Variants in GSTA3 observed in about 807,000 individuals in gnomAD.
The protein encoded by GSTA3 is glutathione S-transferase alpha 3, also known as glutathione S-transferase A3.
Under a neutral mutation model 23.1 loss-of-function variants are expected in GSTA3, and 16 were observed. That is an observed-to-expected ratio of 0.69 (90% CI 0.47 to 1.05). The LOEUF is 1.05. Among genes scored for constraint, GSTA3 ranks in the 50% least tolerant of loss-of-function variants. The probability of loss-of-function intolerance (pLI) is 0.00; values close to 1 mark genes in which losing one functional copy is unlikely to be tolerated. For missense variants in GSTA3, 319 were observed against 263.6 expected (o/e 1.21, Z -1.46); for synonymous variants, 122 against 91.0 (o/e 1.34, Z -1.94).
At chr6:52,901,535 A>G (rs1210127523) in intron 4 of GSTA3, among the ~76,000 whole-genome samples, 2 of 152,140 alleles carry the variant, frequency 1.3e-5, no homozygotes, top group Non-Finnish European at 2.9e-5. Context: ...GTTGATGGAT[A>G]TTTGGGTTAT....
At position 52,896,743 on chromosome 6, in the gene GSTA3, C is replaced by A; in HGVS notation, c.*63G>T. On this transcript the variant is annotated 3_prime_UTR_variant, in exon 7 of 7. Coordinates refer to ENST00000211122, the MANE Select transcript of GSTA3 (RefSeq NM_000847.5). ...GCACAATCAACACTTAAGTAAAGCA[C>A]TTCATTGTTGCAAAACTTTAGAATA... 1 of 1,596,110 alleles carries A rather than the reference C, an allele frequency of 6.3e-7. No individual in the cohort carries two copies. The highest frequency in any genetic ancestry group is 8.6e-7 in the Non-Finnish European group (1 of 1,167,074).
chr6:52,905,524 A>G (rs923004151), intron 2 of GSTA3, among the ~76,000 whole-genome samples: 7 of 151,968 alleles, frequency 4.6e-5, no homozygotes, highest in Non-Finnish European at 1.0e-4. Context: ...TCTTTTCAAA[A>G]TATATTTTAA....
At chr6:52,909,503 A>G (rs1006445159) in intron 1 of GSTA3, 138 bp downstream of exon 1, 4 of 152,212 alleles carry the variant, frequency 2.6e-5, no homozygotes, top group Non-Finnish European at 2.9e-5. Context: ...CTAACAAACA[A>G]TGCTTAAATT....
At chr6:52,906,724 A>G (rs1280558424) in intron 1 of GSTA3, among the ~76,000 whole-genome samples, 1 of 151,550 alleles carries the variant, frequency 6.6e-6, no homozygotes, top group East Asian at 1.9e-4. Flanking sequence ...AGGATTCCCT[A>G]TTTAATAAAT....
chr6:52,897,767 CTA>C (rs1403382689), intron 6 of GSTA3, 56 bp downstream of exon 6: 2 of 1,598,642 alleles, frequency 1.3e-6, no homozygotes, highest in Non-Finnish European at 1.7e-6. Context: ...GGCCCAGATA[CTA>C]GATCCCAAGA....
chr6:52,900,357 G>T (rs1176386071), intron 4 of GSTA3, among the ~76,000 whole-genome samples: 1 of 151,328 alleles, frequency 6.6e-6, no homozygotes, highest in Non-Finnish European at 1.5e-5. Flanking sequence ...TCGCCTCCAG[G>T]GTTCAAGTGA....
intron 6 of GSTA3, among the ~76,000 whole-genome samples, chr6:52,897,536 A>G (rs1765491862): frequency 6.6e-6 from 1 of 152,200 alleles, no homozygotes; most frequent in Non-Finnish European, 1.5e-5. Flanking sequence ...AGAACTCAGG[A>G]ACAGACCACA....
chr6:52,901,317 G>A (rs1408234482), intron 4 of GSTA3, among the ~76,000 whole-genome samples: 1 of 152,178 alleles, frequency 6.6e-6, no homozygotes, highest in Non-Finnish European at 1.5e-5. Flanking sequence ...GCAACCACTA[G>A]TCTACTTGCT....
intron 6 of GSTA3, among the ~76,000 whole-genome samples, 193 bp from the exon 7 acceptor site, chr6:52,897,121 C>T (rs1379761349): frequency 6.6e-6 from 1 of 152,190 alleles, no homozygotes; most frequent in East Asian, 1.9e-4. Context: ...TTATTTTCCG[C>T]AAAGATGTCT....
intron 4 of GSTA3, 93 bp from the exon 5 acceptor site, chr6:52,900,168 G>A: frequency 9.3e-7 from 1 of 1,076,584 alleles, no homozygotes; most frequent in Admixed American, 2.5e-5. Flanking sequence ...TCAGATGGTG[G>A]TAAGGTAATT....
At chr6:52,898,319 T>G (rs1211747774) in intron 5 of GSTA3, among the ~76,000 whole-genome samples, 2 of 152,112 alleles carry the variant, frequency 1.3e-5, no homozygotes, top group Non-Finnish European at 2.9e-5. Flanking sequence ...CTCTACAATC[T>G]GCTCTCTCCC....
In GSTA3 at chr6:52,901,471, A is replaced by G. The variant is rs185224544; in HGVS notation, c.272+875T>C. The stretch of plus-strand genomic sequence containing the variant: ...CATCAGTACTTCATTTCTTTTCATG[A>G]GTAAATATTGTTCCATTGCATGGCT... On this transcript the variant is annotated intron_variant, in intron 4 of 6. Transcript: ENST00000211122. Among the ~76,000 whole-genome samples, 238 of 152,318 alleles carry G rather than the reference A, an allele frequency of 1.6e-3. 4 individuals carry two copies. Among genetic ancestry groups the G allele is most frequent in the Middle Eastern group, 6.8e-3 (2 of 294 alleles).
intron 1 of GSTA3, among the ~76,000 whole-genome samples, chr6:52,908,355 TA>T (rs202165888): frequency 6.0e-4 from 90 of 149,222 alleles, no homozygotes; most frequent in African/African-American, 1.5e-3. Context: ...AGTCTCTATT[TA>T]AAAAAAAAAT....
intron 6 of GSTA3, 25 bp downstream of exon 6, chr6:52,897,800 C>G (rs375901746): frequency 6.2e-7 from 1 of 1,612,632 alleles, no homozygotes; most frequent in African/African-American, 1.3e-5. Context: ...GGGGCTGTCT[C>G]TCTGAGGGCT....
At chr6:52,898,093 A>G in intron 5 of GSTA3, 137 bp from the exon 6 acceptor site, 2 of 948,704 alleles carry the variant, frequency 2.1e-6, no homozygotes, top group Non-Finnish European at 1.7e-6. Flanking sequence ...GCCTTTGTTT[A>G]TGTTCCCTGA....
intron 3 of GSTA3, among the ~76,000 whole-genome samples, 194 bp downstream of exon 3, chr6:52,903,482 A>G (rs1765770588): frequency 6.6e-6 from 1 of 151,104 alleles, no homozygotes; most frequent in South Asian, 2.1e-4. Flanking sequence ...CTGTAGTCCC[A>G]GCTACTCGGG....
chr6:52,897,925 A>G lies in GSTA3; in HGVS notation c.446T>C (p.Val149Ala), dbSNP rs1765515926. The G allele has an allele frequency of 6.2e-7, 1 of 1,614,044 alleles. No homozygotes were observed. Among genetic ancestry groups the G allele is most frequent in the Non-Finnish European group, 8.5e-7 (1 of 1,179,940 alleles). Residue 149 changes from valine (V) to alanine (A), a missense_variant, in exon 6 of 7, where the codon GTT becomes GCT. Coordinates refer to ENST00000211122, the MANE Select transcript of GSTA3 (RefSeq NM_000847.5). ...VLQSHGQDYL[V>A]GNKLSRADIS... ...GTCAGCCCGGCTCAGCTTGTTGCCA[A>G]CAAGGTAGTCTTGTCCATGGCTCTG...
Position 52,904,748 on chromosome 6 carries a change from A to G in GSTA3, c.87+1000T>C, listed in dbSNP as rs548217481. On this transcript the variant is annotated intron_variant, in intron 2 of 6. Transcript: ENST00000211122. The stretch of plus-strand genomic sequence containing the variant: ...ACTGGGAAGTGTTTTTCTCAGTGAC[A>G]CCTCTAGAAGGCAGCACTTAGCGGA... Among the ~76,000 whole-genome samples the G allele has an allele frequency of 3.5e-4, 53 of 152,226 alleles. No individual in the cohort carries two copies. The South Asian group carries it at 8.9e-3, about 26-fold the overall frequency.
chr6:52,909,557 A>G (rs1205437931), intron 1 of GSTA3, 84 bp downstream of exon 1: 1 of 152,232 alleles, frequency 6.6e-6, no homozygotes, highest in Admixed American at 6.5e-5. Context: ...TAAAGTACTC[A>G]CACAAACTAA....
Sources: allele counts gnomAD v4.1 joint callset (sites outside exome capture counted in the v4.1 genomes callset), GRCh38; gene constraint gnomAD v4.1.1; transcripts MANE v1.5; gene names NCBI Gene and HGNC (gene_info 2026-07-23, HGNC 2026-07-21).